Variants in KCNK3 observed in about 807,000 individuals in gnomAD.
The protein encoded by KCNK3 is potassium channel subfamily K member 3.
A neutral mutation model predicts 27.3 loss-of-function variants in KCNK3; 9 were observed. The observed-to-expected ratio is 0.33, with a 90% CI of 0.20 to 0.57. The LOEUF is 0.57. Ranked by LOEUF, KCNK3 falls within the 20% of genes least tolerant of loss-of-function variation. The pLI is 0.87. For synonymous variants in KCNK3, 278 were observed against 273.8 expected (o/e 1.02, Z -0.15); for missense variants, 391 against 577.7 (o/e 0.68, Z 3.31).
At chr2:26,705,210 C>T (rs556766214) in intron 1 of KCNK3, among the ~76,000 whole-genome samples, 2 of 152,274 alleles carry the variant, frequency 1.3e-5, no homozygotes, top group Non-Finnish European at 2.9e-5. Context: ...CCTCCCATCT[C>T]GGCCTCCCAA....
intron 1 of KCNK3, among the ~76,000 whole-genome samples, chr2:26,697,072 G>A (rs1249528802): frequency 6.6e-6 from 1 of 152,034 alleles, no homozygotes; most frequent in Non-Finnish European, 1.5e-5. Context: ...TTTCAGCTGA[G>A]GAACCTGAGG....
rs758115202 is a variant in KCNK3 at position 26,728,218 on chromosome 2, G to A, written c.835G>A (p.Ala279Thr). 2 of 1,563,798 alleles carry A rather than the reference G, an allele frequency of 1.3e-6. No individual in the cohort carries two copies. The highest frequency in any genetic ancestry group is 2.4e-5 in the East Asian group (1 of 41,756). The change falls in exon 2 of 2, where the codon GCG becomes ACG. Residue 279 changes from alanine (A) to threonine (T), a missense_variant. Physicochemically the swap from Ala to Thr is moderately conservative, Grantham distance 58. Around this residue, in one of 4 missense-constraint regions of KCNK3, gnomAD observed 192 missense variants for 196.0 expected, o/e 0.98. Transcript: ENST00000302909. ...GGGCGGCGGCGGAGGGGGTGGCAGC[G>A]CGCACACTACGGACACCGCCTCATC... ...QAGGGGGGGS[A>T]HTTDTASSTA...
At chr2:26,727,381 C>T (rs1386181388) in intron 1 of KCNK3, among the ~76,000 whole-genome samples, 1 of 152,224 alleles carries the variant, frequency 6.6e-6, no homozygotes, top group Non-Finnish European at 1.5e-5. Flanking sequence ...TGAGGTCAAA[C>T]GGACTCGAGT....
intron 1 of KCNK3, among the ~76,000 whole-genome samples, chr2:26,710,789 G>C (rs905277987): frequency 6.6e-6 from 1 of 152,204 alleles, no homozygotes; most frequent in East Asian, 1.9e-4. Flanking sequence ...AGCTGGAAGA[G>C]ATGAATAGAG....
chr2:26,713,030 A>C (rs1191026078), intron 1 of KCNK3, among the ~76,000 whole-genome samples: 1 of 151,986 alleles, frequency 6.6e-6, no homozygotes, highest in Non-Finnish European at 1.5e-5. Flanking sequence ...CCCCCACCAC[A>C]CCCAACCCAT....
chr2:26,695,379 G>A (rs965062239), intron 1 of KCNK3, among the ~76,000 whole-genome samples: 1 of 152,054 alleles, frequency 6.6e-6, no homozygotes, highest in Non-Finnish European at 1.5e-5. Flanking sequence ...GAGCCACTGC[G>A]CCTGGCTCTA....
chr2:26,692,962 G>T lies in KCNK3; in HGVS notation c.87G>T (p.Leu29=). The change falls in exon 1 of 2, where the codon CTG becomes CTT. Residue 29 remains leucine (L), a synonymous_variant. Coordinates refer to ENST00000302909, the MANE Select transcript of KCNK3 (RefSeq NM_002246.3). The surrounding 1 kb of genome is among the most constrained non-coding windows in gnomAD (Gnocchi z 5.6). The stretch of plus-strand genomic sequence containing the variant: ...TGGGCGCCGCGGTCTTCGACGCGCT[G>T]GAGTCGGAGCCCGAGCTGATCGAGC... ...LLVGAAVFDA[L]ESEPELIERQ... The T allele has an allele frequency of 6.4e-7, 1 of 1,563,254 alleles. No individual in the cohort carries two copies. Among genetic ancestry groups the T allele is most frequent in the Non-Finnish European group, 8.6e-7 (1 of 1,158,676 alleles).
At chr2:26,702,927 C>A (rs907221620) in intron 1 of KCNK3, among the ~76,000 whole-genome samples, 28 of 152,068 alleles carry the variant, frequency 1.8e-4, no homozygotes, top group Middle Eastern at 3.4e-3. Flanking sequence ...ACCAGCCTGG[C>A]CAACATGGTG....
chr2:26,722,109 C>A (rs932125927), intron 1 of KCNK3, among the ~76,000 whole-genome samples: 5 of 152,218 alleles, frequency 3.3e-5, no homozygotes, highest in African/African-American at 1.2e-4. Context: ...GGAAGACAGG[C>A]ACCTTTTCCT....
Position 26,693,170 on chromosome 2 carries a change from C to T in KCNK3, c.283+12C>T, listed in dbSNP as rs771184195. On this transcript the variant is annotated intron_variant, in intron 1 of 1. Transcript: ENST00000302909. This position sits in a 1 kb window ranked among gnomAD's most constrained non-coding sequence, Gnocchi z 5.5. ...CATCACCACCATCGGTAACGGCTCG[C>T]CGGGCGGGGGGCGGGAACCCAGGGC... The T allele has an allele frequency of 5.3e-6, 8 of 1,501,556 alleles. No homozygotes were observed. Among genetic ancestry groups the T allele is most frequent in the Admixed American group, 1.9e-5 (1 of 51,546 alleles). The allele number at this position is 1,501,556 out of a possible 1,614,324, so 93.0% of individuals were successfully genotyped here. A position where few individuals can be genotyped will look rare whatever the true frequency, so the allele number is the denominator to read the frequency against.
At chr2:26,708,521 A>C (rs1368062773) in intron 1 of KCNK3, among the ~76,000 whole-genome samples, 1 of 152,136 alleles carries the variant, frequency 6.6e-6, no homozygotes, top group Non-Finnish European at 1.5e-5. Flanking sequence ...TAAAAGAAAT[A>C]CAAAAAAATT....
Position 26,693,070 on chromosome 2 carries a change from C to A in KCNK3, c.195C>A (p.Val65=). The change falls in exon 1 of 2, where the codon GTC becomes GTA. Residue 65 remains valine (V), a synonymous_variant. Transcript: ENST00000302909. This position sits in a 1 kb window ranked among gnomAD's most constrained non-coding sequence, Gnocchi z 5.5. ...GCGGCTACGAGGAGCTGGAGCGCGT[C>A]GTGCTGCGCCTCAAGCCGCACAAGG... is the stretch of plus-strand genomic sequence containing the variant. The part of the protein sequence containing the change: ...SQGGYEELER[V]VLRLKPHKAG... The A allele has an allele frequency of 6.2e-7, 1 of 1,603,844 alleles. No homozygotes were observed.
intron 1 of KCNK3, among the ~76,000 whole-genome samples, chr2:26,702,304 C>A (rs1431570352): frequency 6.6e-6 from 1 of 152,212 alleles, no homozygotes; most frequent in Non-Finnish European, 1.5e-5. Context: ...GATAGTAGCA[C>A]AAGACCTGTT....
chr2:26,711,436 G>A (rs1289100382), intron 1 of KCNK3, among the ~76,000 whole-genome samples: 1 of 152,116 alleles, frequency 6.6e-6, no homozygotes, highest in Admixed American at 6.5e-5. Context: ...TCCCAGTCTG[G>A]AAGTCTCCAC....
intron 1 of KCNK3, among the ~76,000 whole-genome samples, chr2:26,724,327 G>A (rs1302131100): frequency 6.6e-6 from 1 of 152,254 alleles, no homozygotes; most frequent in Non-Finnish European, 1.5e-5. Flanking sequence ...AACGCCTGAG[G>A]CTGATGCCCA....
At chr2:26,726,316 G>T (rs1243730524) in intron 1 of KCNK3, among the ~76,000 whole-genome samples, 1 of 152,132 alleles carries the variant, frequency 6.6e-6, no homozygotes, top group Non-Finnish European at 1.5e-5. Flanking sequence ...GCTCTATGTA[G>T]TTGGGGATCC....
intron 1 of KCNK3, among the ~76,000 whole-genome samples, chr2:26,725,824 G>T (rs967657399): frequency 6.6e-6 from 1 of 152,168 alleles, no homozygotes; most frequent in Non-Finnish European, 1.5e-5. Flanking sequence ...AATGGCCCTG[G>T]GTTGACAGAG....
chr2:26,728,399 G>C lies in KCNK3; in HGVS notation c.1016G>C (p.Cys339Ser). The C allele has an allele frequency of 6.2e-7, 1 of 1,605,900 alleles. No individual in the cohort carries two copies. The highest frequency in any genetic ancestry group is 8.5e-7 in the Non-Finnish European group (1 of 1,176,130). ...IPRDLSTSDTCVEQSHSSPGG... is the reference protein window; with the variant it reads ...IPRDLSTSDTSVEQSHSSPGG... ...CGGGACCTCTCCACGTCCGACACGT[G>C]CGTGGAGCAGAGCCACTCGTCGCCG... is the stretch of plus-strand genomic sequence containing the variant. Residue 339 changes from cysteine (C) to serine (S), a missense_variant, in exon 2 of 2, where the codon TGC becomes TCC. By Grantham distance (112) the Cys-to-Ser change is moderately radical. Transcript: ENST00000302909.
At chr2:26,697,800 G>A (rs1164857504) in intron 1 of KCNK3, among the ~76,000 whole-genome samples, 2 of 152,128 alleles carry the variant, frequency 1.3e-5, no homozygotes, top group East Asian at 3.9e-4. Flanking sequence ...TCCAGCCTGT[G>A]CTCAGCTGAG....
Sources: gnomAD v4.1 joint callset for allele counts (sites outside exome capture counted in the v4.1 genomes callset) on GRCh38, gnomAD v4.1.1 for gene constraint, gnomAD v4.1.1 regional missense constraint, Gnocchi (gnomAD v3.1) non-coding constraint, MANE v1.5 for transcripts, NCBI Gene and HGNC (gene_info 2026-07-23, HGNC 2026-07-21) for gene names.